CCDC194: variants seen among roughly 807,000 people sequenced by gnomAD.
CCDC194 encodes coiled-coil domain containing 194, also known as coiled-coil domain-containing protein 194.
In CCDC194, 8 loss-of-function variants were observed where a neutral mutation model predicts 4.9. The observed-to-expected ratio is 1.65, with a 90% CI of 0.97 to 2.97. The LOEUF (loss-of-function observed/expected upper bound fraction) is 2.97, where lower values mean the gene tolerates loss of function less well. Ranked by LOEUF, CCDC194 falls within the 30% of genes most tolerant of loss-of-function variation. The pLI, the probability that CCDC194 is intolerant of heterozygous loss-of-function variation, is 0.00. For synonymous variants in CCDC194, 13 were observed against 17.0 expected, an observed-to-expected ratio of 0.76 and a Z score of 0.58; for missense variants, 52 against 43.1, an observed-to-expected ratio of 1.21 and a Z score of -0.58.
intron 1 of CCDC194, chr19:17,392,335 G>A (rs951868378): frequency 6.6e-6 from 1 of 152,160 alleles, no homozygotes; most frequent in African/African-American, 2.4e-5. Context: ...AAATAGCAGT[G>A]TGTGGTGGTG....
At position 17,391,859 on chromosome 19, in the gene CCDC194, G is replaced by A. The variant is rs1234843721; in HGVS notation, c.325-13C>T. 2.0e-6 allele frequency: 3 copies of A among 1,502,022 alleles called. No homozygotes were observed. In the African/African-American group the frequency reaches 4.2e-5, roughly 21 times the overall value. 93.0% of individuals were successfully genotyped at this position (1,502,022 alleles called of 1,614,324 possible). A position where few individuals can be genotyped will look rare whatever the true frequency, so the allele number is the denominator to read the frequency against. On this transcript the variant is annotated splice_polypyrimidine_tract_variant and intron_variant, in intron 1 of 3. Transcript: ENST00000636079. ...TCTGAAGCCGGCTCTGAGGAGTGGA[G>A]GGGAAGTGGGAGGGGGTGTAGGCAG...
At chr19:17,387,720 A>G (rs1007839796), downstream of CCDC194, among the ~76,000 whole-genome samples, 6 of 152,212 alleles carry the variant, frequency 3.9e-5, no homozygotes, top group Middle Eastern at 3.4e-3. Context: ...CTCTATCTCA[A>G]AAAGAAAAAA....
downstream of CCDC194, chr19:17,390,467 T>G: frequency 2.6e-6 from 1 of 389,774 alleles, no homozygotes; most frequent in Non-Finnish European, 4.5e-6. This position sits in a 1 kb window ranked among gnomAD's most constrained non-coding sequence, Gnocchi z 5.5. Context: ...CCCCCCCATA[T>G]GTGTCCTCCA....
downstream of CCDC194, among the ~76,000 whole-genome samples, chr19:17,387,674 C>T (rs1049471723): frequency 6.6e-6 from 1 of 151,696 alleles, no homozygotes; most frequent in Non-Finnish European, 1.5e-5. Context: ...GCTGAGACTG[C>T]GCCATTGCAC....
chr19:17,389,524 G>A (rs1017086957), downstream of CCDC194, among the ~76,000 whole-genome samples: 1 of 152,204 alleles, frequency 6.6e-6, no homozygotes, highest in African/African-American at 2.4e-5. Context: ...GACAGTGGAC[G>A]TCCTCACCTT....
At chr19:17,389,601 G>T (rs1173222492), downstream of CCDC194, among the ~76,000 whole-genome samples, 2 of 152,112 alleles carry the variant, frequency 1.3e-5, no homozygotes, top group African/African-American at 4.8e-5. Flanking sequence ...TATTAGTATA[G>T]CAATTAACAG....
intron 1 of CCDC194, among the ~76,000 whole-genome samples, chr19:17,392,977 C>T (rs112847112): frequency 0.027 from 4,168 of 152,256 alleles, 195 homozygotes; most frequent in African/African-American, 0.095. Flanking sequence ...CCACTGCGCC[C>T]GGCCCCATTT....
At chr19:17,390,444 TCCCCGC>T (rs2074649672), downstream of CCDC194, 3 of 297,384 alleles carry the variant, frequency 1.0e-5, no homozygotes, top group Admixed American at 2.4e-4. The surrounding 1 kb of genome is among the most constrained non-coding windows in gnomAD (Gnocchi z 5.5). Context: ...TCTATACACG[TCCCCGC>T]AGACCCCCCC....
At position 17,391,344 on chromosome 19, in the gene CCDC194, C is replaced by G. The variant is rs889711124; in HGVS notation, c.422-1G>C. 1.8e-5 allele frequency: 8 copies of G among 448,634 alleles called. No individual in the cohort carries two copies. The highest frequency in any genetic ancestry group is 1.4e-4 in the African/African-American group (7 of 48,776). The allele number at this position is 448,634 out of a possible 1,614,324, so 27.8% of individuals were successfully genotyped here. A position where few individuals can be genotyped will look rare whatever the true frequency, so the allele number is the denominator to read the frequency against. On this transcript the variant is annotated splice_acceptor_variant, in intron 2 of 3. Transcript: ENST00000636079. LOFTEE classifies it high-confidence loss of function. ...GCCGCCTCCCAGCGCGCCAGGGCCT[C>G]TGGGGGCGCAGGGAGCCGGGTCAGG...
Position 17,393,828 on chromosome 19 carries a change from C to A in CCDC194, c.324+7G>T, listed in dbSNP as rs1028187537. 10 of 396,616 alleles carry A rather than the reference C, an allele frequency of 2.5e-5. 1 individual carries two copies. The highest frequency in any genetic ancestry group is 1.3e-3 in the Middle Eastern group (2 of 1,600). The allele number at this position is 396,616 out of a possible 1,614,324, so 24.6% of individuals were successfully genotyped here. ...TCCCGAGCTCCCCCTCTACCCGGCC[C>A]ACCTACCTGGCGGCCTTCACAGGCC... On this transcript the variant is annotated splice_region_variant and intron_variant, in intron 1 of 3. Transcript: ENST00000636079.
chr19:17,393,029 G>C (rs932701133), intron 1 of CCDC194, among the ~76,000 whole-genome samples: 1 of 152,200 alleles, frequency 6.6e-6, no homozygotes, highest in Non-Finnish European at 1.5e-5. Context: ...CGGCTGGGCT[G>C]GGAGGTTGGG....
chr19:17,387,841 A>G (rs1401009248), downstream of CCDC194, among the ~76,000 whole-genome samples: 1 of 152,112 alleles, frequency 6.6e-6, no homozygotes, highest in African/African-American at 2.4e-5. Context: ...ATAGCGTTCC[A>G]CTGTGGATGG....
At chr19:17,390,454 C>A (rs1186577135), downstream of CCDC194, 1 of 6,178 alleles carries the variant, frequency 1.6e-4, no homozygotes, top group Admixed American at 2.4e-3. This position sits in a 1 kb window ranked among gnomAD's most constrained non-coding sequence, Gnocchi z 5.5. Context: ...TCCCCGCAGA[C>A]CCCCCCCCCA....
At position 17,393,126 on chromosome 19, in the gene CCDC194, G is replaced by A. The variant is rs144939019; in HGVS notation, c.324+709C>T. Among the ~76,000 whole-genome samples the A allele has an allele frequency of 2.2e-3, 330 of 152,272 alleles. 1 individual carries two copies. Among genetic ancestry groups the A allele is most frequent in the African/African-American group, 7.7e-3 (320 of 41,556 alleles). On this transcript the variant is annotated intron_variant, in intron 1 of 3. Coordinates refer to ENST00000636079, the Ensembl canonical transcript of CCDC194. Reference sequence around the variant, plus strand: ...ATTTTAAGGACAGTTCTTTTGGCAGGCTCAGGGCTGGAAAAGGTTAAGAAA... The same window carrying A: ...ATTTTAAGGACAGTTCTTTTGGCAGACTCAGGGCTGGAAAAGGTTAAGAAA...
At position 17,390,628 on chromosome 19, in the gene CCDC194, G is replaced by T. The variant is rs902688131; in HGVS notation, c.586C>A (p.Arg196Ser). Residue 196 changes from arginine to serine, a missense_variant, in exon 4 of 4, where the codon CGC (arginine) becomes AGC (serine). Arg to Ser is a moderately radical substitution (Grantham distance 110). Coordinates refer to ENST00000636079, the Ensembl canonical transcript of CCDC194. The surrounding 1 kb of genome is among the most constrained non-coding windows in gnomAD (Gnocchi z 5.5). ...CGGGGACGCGGCCGGGGCACTCTGC[G>T]CTGTGGGCTCATCTCGGCTTCCAGG... 2.5e-6 allele frequency: 1 copy of T among 398,078 alleles called. No homozygotes were observed. The allele number at this position is 398,078 out of a possible 1,614,324, so 24.7% of individuals were successfully genotyped here. A position where few individuals can be genotyped will look rare whatever the true frequency, so the allele number is the denominator to read the frequency against.
chr19:17,390,438 T>A, downstream of CCDC194: 1 of 350,052 alleles, frequency 2.9e-6, no homozygotes, highest in Non-Finnish European at 4.9e-6. This position sits in a 1 kb window ranked among gnomAD's most constrained non-coding sequence, Gnocchi z 5.5. Flanking sequence ...GGTGCCTCTA[T>A]ACACGTCCCC....
chr19:17,387,769 C>T (rs2145735029), downstream of CCDC194, among the ~76,000 whole-genome samples: 1 of 152,278 alleles, frequency 6.6e-6, no homozygotes, highest in South Asian at 2.1e-4. Flanking sequence ...TTATCAATCT[C>T]CTGCTTTTCA....
downstream of CCDC194, chr19:17,390,455 C>A (rs2074649809): frequency 6.9e-6 from 1 of 145,498 alleles, no homozygotes. The surrounding 1 kb of genome is among the most constrained non-coding windows in gnomAD (Gnocchi z 5.5). Context: ...CCCCGCAGAC[C>A]CCCCCCCCAT....
intron 2 of CCDC194, chr19:17,391,549 G>A: frequency 1.5e-6 from 2 of 1,294,324 alleles, no homozygotes; most frequent in Non-Finnish European, 1.0e-6. Context: ...TTTACAAGGA[G>A]TTTGCATGTT....
Sources: gnomAD v4.1 joint callset for allele counts (sites outside exome capture counted in the v4.1 genomes callset) on GRCh38, gnomAD v4.1.1 for gene constraint, Gnocchi (gnomAD v3.1) non-coding constraint, MANE v1.5 for transcripts, NCBI Gene and HGNC (gene_info 2026-07-23, HGNC 2026-07-21) for gene names.